Variants in KIF15 observed in about 807,000 individuals in gnomAD.
The protein encoded by KIF15 is kinesin-like protein KIF15.
KIF15 carries 140 observed loss-of-function variants against 190.6 expected under a neutral mutation model. The ratio of observed to expected loss-of-function variants is 0.73; its 90% CI spans 0.64 to 0.84. The LOEUF is 0.84. Among genes scored for constraint, KIF15 ranks in the 40% least tolerant of loss-of-function variants. The pLI, the probability that KIF15 is intolerant of heterozygous loss-of-function variation, is 0.00. For synonymous variants in KIF15, 528 were observed against 551.3 expected, an observed-to-expected ratio of 0.96 and a Z score of 0.59; for missense variants, 1,372 against 1,584.4, an observed-to-expected ratio of 0.87 and a Z score of 2.28.
In KIF15 at chr3:44,802,858, T is replaced by C; in HGVS notation, c.1554T>C (p.His518=). 6.2e-7 allele frequency: 1 copy of C among 1,603,938 alleles called. No homozygotes were observed. Among genetic ancestry groups the C allele is most frequent in the African/African-American group, 1.3e-5 (1 of 74,382 alleles). The stretch of plus-strand genomic sequence containing the variant: ...TTGCAAAGTATGCTATGGAAAATCA[T>C]TCCCTCAGGGAGGAGAATAGAAGAC... ...PRVAKYAMEN[H]SLREENRRLR... is the part of the protein sequence containing the mutation. The change falls in exon 14 of 35, where the codon CAT becomes CAC. Residue 518 remains histidine (H), a synonymous_variant. Coordinates refer to ENST00000326047, the MANE Select transcript of KIF15 (RefSeq NM_020242.3).
At position 44,828,219 on chromosome 3, in the gene KIF15, A is replaced by C; in HGVS notation, c.2862A>C (p.Ala954=). 6.2e-7 allele frequency: 1 copy of C among 1,611,994 alleles called. No homozygotes were observed. The highest frequency in any genetic ancestry group is 8.5e-7 in the Non-Finnish European group (1 of 1,178,316). ...ATATTTCTTTTTCACCATAGATGGC[A>C]AAAGTACAGAAACTAGAAGAGAGCT... The part of the protein sequence containing the change: ...KETAKCEQQM[A]KVQKLEESLL... Residue 954 remains alanine, a synonymous_variant, in exon 24 of 35, where the codon GCA becomes GCC. Transcript: ENST00000326047.
At chr3:44,838,252 CTG>C in intron 26 of KIF15, 21 bp from the exon 27 acceptor site, 1 of 1,571,560 alleles carries the variant, frequency 6.4e-7, no homozygotes, top group Non-Finnish European at 8.6e-7. Flanking sequence ...AATTAAGAAA[CTG>C]TGATGATTGT....
downstream of KIF15, among the ~76,000 whole-genome samples, chr3:44,857,254 T>C (rs117820685): frequency 0.019 from 2,836 of 151,810 alleles, 75 homozygotes; most frequent in African/African-American, 0.064. Context: ...GCTGAAGGAG[T>C]CGGGAAGCAG....
intron 26 of KIF15, among the ~76,000 whole-genome samples, chr3:44,831,421 G>A (rs538536308): frequency 8.2e-4 from 125 of 152,022 alleles, no homozygotes; most frequent in Non-Finnish European, 1.4e-3. Context: ...TCTATTTTCC[G>A]TCATTTTTGC....
At position 44,805,047 on chromosome 3, in the gene KIF15, A is replaced by G. The variant is rs1474627119; in HGVS notation, c.1708A>G (p.Lys570Glu). The G allele has an allele frequency of 6.2e-7, 1 of 1,612,800 alleles. No individual in the cohort carries two copies. The highest frequency in any genetic ancestry group is 8.5e-7 in the Non-Finnish European group (1 of 1,179,688). Residue 570 changes from lysine to glutamate, a missense_variant, in exon 15 of 35, where the codon AAA (lysine) becomes GAA (glutamate). Physicochemically the swap from Lys to Glu is moderately conservative, Grantham distance 56 (BLOSUM62 1). Transcript: ENST00000326047. ...AACAGATCAGCAAGGATTTTCACCTAAAGCTCAGAAAGAGCCATGTTTGTT... is the reference window on the plus strand; with the variant it reads ...AACAGATCAGCAAGGATTTTCACCTGAAGCTCAGAAAGAGCCATGTTTGTT... The part of the protein sequence containing the change: ...SDKNQQGFSP[K>E]AQKEPCLFAN...
intron 1 of KIF15, 148 bp downstream of exon 1, chr3:44,762,032 C>G (rs538474820): frequency 1.0e-6 from 1 of 981,076 alleles, no homozygotes. Context: ...GAATCCCGCT[C>G]TGTCGCTCAA....
intron 29 of KIF15, 112 bp from the exon 30 acceptor site, chr3:44,843,013 G>A (rs1357582382): frequency 4.3e-6 from 3 of 702,522 alleles, no homozygotes; most frequent in Admixed American, 2.8e-5. Flanking sequence ...CCAGTGCAGT[G>A]TCTCTGCATA....
At chr3:44,772,981 G>T (rs1156279401) in intron 1 of KIF15, among the ~76,000 whole-genome samples, 2 of 152,110 alleles carry the variant, frequency 1.3e-5, no homozygotes, top group Non-Finnish European at 2.9e-5. Flanking sequence ...CCATCCTAAG[G>T]TACCCCTCTT....
chr3:44,805,757 G>T (rs1402044445), intron 15 of KIF15, 88 bp from the exon 16 acceptor site: 1 of 1,196,220 alleles, frequency 8.4e-7, no homozygotes, highest in East Asian at 2.3e-5. Flanking sequence ...TAACTATAAA[G>T]TTATGTGAGA....
intron 6 of KIF15, chr3:44,865,114 C>T (rs367945005): frequency 2.1e-5 from 34 of 1,614,128 alleles, no homozygotes; most frequent in Middle Eastern, 1.6e-4. Context: ...TTATTCTCTG[C>T]GGACTCACCC....
chr3:44,761,927 A>C (rs1037304436), intron 1 of KIF15, 43 bp downstream of exon 1: 1 of 1,613,838 alleles, frequency 6.2e-7, no homozygotes, highest in Non-Finnish European at 8.5e-7. Flanking sequence ...TTTTGCCCCC[A>C]AATACAGCTG....
chr3:44,827,087 C>A (rs1005724640), intron 22 of KIF15: 7 of 455,584 alleles, frequency 1.5e-5, no homozygotes, highest in Admixed American at 7.1e-5. Flanking sequence ...TTATTGATAT[C>A]CAACAAGCCA....
At chr3:44,763,474 T>G (rs1286061392) in intron 1 of KIF15, among the ~76,000 whole-genome samples, 1 of 151,606 alleles carries the variant, frequency 6.6e-6, no homozygotes, top group Non-Finnish European at 1.5e-5. Flanking sequence ...GCTAATTTTT[T>G]TATTTTTAGT....
At chr3:44,802,048 C>A in intron 13 of KIF15, 74 bp downstream of exon 13, 2 of 1,042,360 alleles carry the variant, frequency 1.9e-6, no homozygotes, top group Non-Finnish European at 2.8e-6. Context: ...TCAGCAAGTA[C>A]TTGTTCTTTA....
chr3:44,838,880 C>T (rs1698456264), intron 27 of KIF15, among the ~76,000 whole-genome samples: 1 of 152,100 alleles, frequency 6.6e-6, no homozygotes, highest in African/African-American at 2.4e-5. Context: ...CTGAGACTTG[C>T]TCAGCTGCCT....
intron 3 of KIF15, among the ~76,000 whole-genome samples, chr3:44,776,375 T>C (rs1705893072): frequency 1.3e-5 from 2 of 149,800 alleles, no homozygotes; most frequent in Admixed American, 1.3e-4. Flanking sequence ...TGAGCTATGA[T>C]GGTGCCACTG....
chr3:44,833,724 G>C (rs982992745), intron 26 of KIF15, among the ~76,000 whole-genome samples: 2 of 152,066 alleles, frequency 1.3e-5, no homozygotes, highest in African/African-American at 2.4e-5. Flanking sequence ...CTAGGGGCTG[G>C]GGGCCGCTGG....
chr3:44,815,280 A>G (rs80128273), intron 20 of KIF15, among the ~76,000 whole-genome samples: 2,751 of 152,280 alleles, frequency 0.018, 70 homozygotes, highest in African/African-American at 0.062. Context: ...TCAGTGTTCT[A>G]TCTCTCTCAG....
intron 8 of KIF15, 27 bp downstream of exon 8, chr3:44,794,453 T>C (rs202007573): frequency 6.5e-7 from 1 of 1,526,936 alleles, no homozygotes; most frequent in Admixed American, 1.9e-5. Flanking sequence ...GGTCTTCAAC[T>C]TGTGTGTGAG....
Sources: gnomAD v4.1 joint callset for allele counts (sites outside exome capture counted in the v4.1 genomes callset) on GRCh38, gnomAD v4.1.1 for gene constraint, MANE v1.5 for transcripts, NCBI Gene and HGNC (gene_info 2026-07-23, HGNC 2026-07-21) for gene names.